Variants in NDUFAF2 observed in about 807,000 individuals in gnomAD.
NDUFAF2 encodes NADH dehydrogenase [ubiquinone] 1 alpha subcomplex assembly factor 2.
Under a neutral mutation model 22.8 loss-of-function variants are expected in NDUFAF2, and 13 were observed. The ratio of observed to expected loss-of-function variants is 0.57; its 90% CI spans 0.37 to 0.91. The LOEUF is 0.91. NDUFAF2 is among the 40% of genes least tolerant of loss of function. The probability of loss-of-function intolerance (pLI) is 0.01; values close to 1 mark genes in which losing one functional copy is unlikely to be tolerated. For missense variants in NDUFAF2, 162 were observed against 195.2 expected (o/e 0.83, Z 1.01); for synonymous variants, 53 against 64.2 (o/e 0.83, Z 0.84).
chr5:61,150,058 A>C (rs1301256176), intron 3 of NDUFAF2, among the ~76,000 whole-genome samples: 2 of 152,136 alleles, frequency 1.3e-5, no homozygotes, highest in Non-Finnish European at 2.9e-5. Context: ...CAGCCTCCCG[A>C]GTAGCTGGGA....
intron 3 of NDUFAF2, among the ~76,000 whole-genome samples, chr5:61,120,483 C>T (rs1752962435): frequency 6.6e-6 from 1 of 152,084 alleles, no homozygotes; most frequent in Non-Finnish European, 1.5e-5. Flanking sequence ...AGGACGGTTT[C>T]TTACATACTT....
chr5:61,030,147 T>C (rs141806731), intron 1 of NDUFAF2, among the ~76,000 whole-genome samples: 2 of 152,280 alleles, frequency 1.3e-5, no homozygotes, highest in East Asian at 3.9e-4. Context: ...AGATTGTTAC[T>C]GTACAGTGAG....
chr5:60,960,439 C>G (rs959413173), intron 1 of NDUFAF2, among the ~76,000 whole-genome samples: 2 of 152,134 alleles, frequency 1.3e-5, no homozygotes, highest in African/African-American at 4.8e-5. Flanking sequence ...GTGTAAAACC[C>G]AGTTTCTCTG....
chr5:60,973,861 G>A (rs1750867365), intron 1 of NDUFAF2, among the ~76,000 whole-genome samples: 1 of 152,148 alleles, frequency 6.6e-6, no homozygotes, highest in South Asian at 2.1e-4. Flanking sequence ...TTGGAGTAGA[G>A]TGGCATGATC....
chr5:60,980,205 G>A (rs548390970), intron 1 of NDUFAF2, among the ~76,000 whole-genome samples: 16 of 152,304 alleles, frequency 1.1e-4, no homozygotes, highest in Admixed American at 7.8e-4. Context: ...AGTCTAGACT[G>A]TGAAGACTAC....
At chr5:61,051,138 A>G (rs1051913205) in intron 1 of NDUFAF2, among the ~76,000 whole-genome samples, 4 of 152,048 alleles carry the variant, frequency 2.6e-5, no homozygotes, top group Non-Finnish European at 5.9e-5. Context: ...GTAAAATCCA[A>G]TTGTTCTCTT....
chr5:61,128,574 G>C (rs910118728), intron 3 of NDUFAF2, among the ~76,000 whole-genome samples: 2 of 152,156 alleles, frequency 1.3e-5, no homozygotes, highest in East Asian at 1.9e-4. Context: ...AACAAATGGT[G>C]CTGGGAAAAC....
intron 1 of NDUFAF2, among the ~76,000 whole-genome samples, chr5:61,051,190 C>T (rs1004935014): frequency 3.9e-5 from 6 of 152,080 alleles, no homozygotes; most frequent in African/African-American, 1.4e-4. Context: ...CTCCATTAGC[C>T]TCCTCTTTTG....
intron 1 of NDUFAF2, among the ~76,000 whole-genome samples, chr5:61,023,061 A>T (rs1751604899): frequency 6.6e-6 from 1 of 152,136 alleles, no homozygotes; most frequent in Non-Finnish European, 1.5e-5. Context: ...CATGTGGCTC[A>T]TCAGTTTTGG....
chr5:61,003,923 TC>T (rs1309027631), intron 1 of NDUFAF2, among the ~76,000 whole-genome samples: 1 of 152,074 alleles, frequency 6.6e-6, no homozygotes, highest in Non-Finnish European at 1.5e-5. Flanking sequence ...CACCTTGGCC[TC>T]CCAAAGTGCT....
intron 1 of NDUFAF2, among the ~76,000 whole-genome samples, chr5:61,014,029 A>G (rs752067811): frequency 2.6e-5 from 4 of 152,180 alleles, no homozygotes; most frequent in Non-Finnish European, 5.9e-5. Flanking sequence ...CTCTGGAGTG[A>G]TGAGAGTGTT....
At chr5:60,996,164 C>G (rs1461556772) in intron 1 of NDUFAF2, among the ~76,000 whole-genome samples, 1 of 152,050 alleles carries the variant, frequency 6.6e-6, no homozygotes, top group African/African-American at 2.4e-5. Flanking sequence ...TATCTGAAAC[C>G]AGCAAGTCTC....
chr5:61,091,297 C>A lies in NDUFAF2; in HGVS notation c.218-7695C>A, dbSNP rs1580129511. Among the ~76,000 whole-genome samples, 3 of 152,156 alleles carry A rather than the reference C, an allele frequency of 2.0e-5. No homozygotes were observed. In the South Asian group the frequency reaches 6.2e-4, roughly 31 times the overall value. Reference sequence around the variant, plus strand: ...ACAATGGTTGAACCAATTTACACTCCCACCAACAATGTATAGCATTCCTTT... The same window carrying A: ...ACAATGGTTGAACCAATTTACACTCACACCAACAATGTATAGCATTCCTTT... On this transcript the variant is annotated intron_variant, in intron 2 of 3. Transcript: ENST00000296597.
chr5:61,004,372 AT>A (rs1396863806), intron 1 of NDUFAF2, among the ~76,000 whole-genome samples: 1 of 152,170 alleles, frequency 6.6e-6, no homozygotes, highest in East Asian at 1.9e-4. Flanking sequence ...ACTGAAATTG[AT>A]TTTTTTAATA....
chr5:61,100,466 T>G (rs1752692529), intron 3 of NDUFAF2, among the ~76,000 whole-genome samples: 1 of 152,000 alleles, frequency 6.6e-6, no homozygotes, highest in Non-Finnish European at 1.5e-5. Context: ...AAATGAGCCC[T>G]CTTTTGTTGC....
chr5:61,134,233 T>G (rs892611003), intron 3 of NDUFAF2, among the ~76,000 whole-genome samples: 1 of 142,742 alleles, frequency 7.0e-6, no homozygotes, highest in African/African-American at 2.5e-5. Context: ...TTTGCTTATT[T>G]TATAAAGAAA....
intron 1 of NDUFAF2, among the ~76,000 whole-genome samples, chr5:60,957,137 ACT>A (rs139895848): frequency 0.024 from 3,661 of 152,182 alleles, 62 homozygotes; most frequent in Non-Finnish European, 0.037. Context: ...CTTGAGAATC[ACT>A]GTTTTATTTA....
intron 2 of NDUFAF2, among the ~76,000 whole-genome samples, chr5:61,076,095 G>A (rs1752365734): frequency 6.6e-6 from 1 of 152,098 alleles, no homozygotes; most frequent in Admixed American, 6.5e-5. Flanking sequence ...TTTTTAAGAT[G>A]GAGTCTCGCT....
chr5:61,085,449 A>G (rs144898256), intron 2 of NDUFAF2, among the ~76,000 whole-genome samples: 107 of 152,286 alleles, frequency 7.0e-4, no homozygotes, highest in African/African-American at 2.2e-3. Flanking sequence ...CTCACATTCA[A>G]TGGTGAAAGG....
Sources: allele counts gnomAD v4.1 joint callset (sites outside exome capture counted in the v4.1 genomes callset), GRCh38; gene constraint gnomAD v4.1.1; transcripts MANE v1.5; gene names NCBI Gene and HGNC (gene_info 2026-07-23, HGNC 2026-07-21).